Variants in CD9 observed in about 807,000 individuals in gnomAD.
The protein encoded by CD9 is CD9 antigen.
CD9 carries 10 observed loss-of-function variants against 31.4 expected under a neutral mutation model. The observed-to-expected ratio is 0.32, with a 90% CI of 0.20 to 0.54. The LOEUF (loss-of-function observed/expected upper bound fraction) is 0.54. Among genes scored for constraint, CD9 ranks in the 20% least tolerant of loss-of-function variants. CD9 has a pLI of 0.94. For synonymous variants in CD9, 113 were observed against 114.1 expected (o/e 0.99, Z 0.06); for missense variants, 259 against 300.1 (o/e 0.86, Z 1.01).
At chr12:6,233,255 C>G in intron 3 of CD9, 157 bp from the exon 4 acceptor site, 3 of 650,840 alleles carry the variant, frequency 4.6e-6, no homozygotes, top group Non-Finnish European at 5.5e-6. Flanking sequence ...ACTGCCTGTT[C>G]TGTGAACTTC....
intron 1 of CD9, among the ~76,000 whole-genome samples, chr12:6,215,991 C>CA (rs1354037220): frequency 3.9e-5 from 6 of 152,332 alleles, no homozygotes; most frequent in African/African-American, 1.4e-4. Flanking sequence ...CCAAAGACAA[C>CA]AGCCCCAGCC....
rs558909894 is a variant in CD9, at chr12:6,209,684, T to C, written c.66+9119T>C. ...GAGACCCAGACTGCAAATTTCTTTT[T>C]TTTTTTTTTTTTTTTTCTGAGATGG... On this transcript the variant is annotated intron_variant, in intron 1 of 7. Coordinates refer to ENST00000009180, the MANE Select transcript of CD9 (RefSeq NM_001769.4). Among the ~76,000 whole-genome samples the C allele has an allele frequency of 2.1e-3, 114 of 54,876 alleles. No homozygotes were observed. In the South Asian group the frequency reaches 0.059, roughly 28 times the overall value. 36.0% of individuals were successfully genotyped at this position (54,876 alleles called of 152,430 possible).
intron 1 of CD9, among the ~76,000 whole-genome samples, chr12:6,219,556 G>T (rs1249445978): frequency 1.3e-5 from 2 of 151,654 alleles, no homozygotes; most frequent in Non-Finnish European, 2.9e-5. Context: ...CGTGATCTCG[G>T]CTCACTGCAA....
Position 6,238,170 on chromosome 12 carries a change from C to T in CD9, c.*342C>T, listed in dbSNP as rs926586344. On this transcript the variant is annotated 3_prime_UTR_variant, in exon 8 of 8. Transcript: ENST00000009180. Reference sequence around the variant, plus strand: ...ATTGTACATAAAAGAATTTTTTTGTCTTTAAATAGATACAAATGTCTATCA... The same window carrying T: ...ATTGTACATAAAAGAATTTTTTTGTTTTTAAATAGATACAAATGTCTATCA... The T allele has an allele frequency of 5.6e-6, 1 of 177,864 alleles. No homozygotes were observed. The highest frequency in any genetic ancestry group is 2.4e-5 in the African/African-American group (1 of 41,898). The allele number at this position is 177,864 out of a possible 1,614,324, so 11.0% of individuals were successfully genotyped here.
At chr12:6,218,822 A>G (rs2136616374) in intron 1 of CD9, among the ~76,000 whole-genome samples, 1 of 152,024 alleles carries the variant, frequency 6.6e-6, no homozygotes, top group Admixed American at 6.5e-5. Flanking sequence ...GACACCATTC[A>G]TTGTGGGCCT....
intron 3 of CD9, 104 bp from the exon 4 acceptor site, chr12:6,233,308 C>A (rs1946475042): frequency 1.2e-6 from 1 of 812,698 alleles, no homozygotes; most frequent in African/African-American, 1.7e-5. Flanking sequence ...CACCAGATGC[C>A]TGTTCCCAGG....
At position 6,232,720 on chromosome 12, in the gene CD9, G is replaced by A; in HGVS notation, c.264G>A (p.Met88Ile). The change falls in exon 3 of 8, where the codon ATG becomes ATA. Residue 88 changes from methionine to isoleucine, a missense_variant. Physicochemically the swap from Met to Ile is conservative, Grantham distance 10 (BLOSUM62 1). Transcript: ENST00000009180. The surrounding 1 kb of genome is among the most constrained non-coding windows in gnomAD (Gnocchi z 4.8). ...CCGAVQESQC[M>I]LGLFFGFLLV... ...GGGCTGTGCAGGAGTCCCAGTGCAT[G>A]CTGGGACTGGTGAGTATCCCCTCGG... The A allele has an allele frequency of 6.4e-7, 1 of 1,552,016 alleles. No homozygotes were observed. Among genetic ancestry groups the A allele is most frequent in the Non-Finnish European group, 8.7e-7 (1 of 1,150,476 alleles).
chr12:6,235,387 G>A, intron 5 of CD9, 60 bp downstream of exon 5: 1 of 1,614,068 alleles, frequency 6.2e-7, no homozygotes, highest in South Asian at 1.1e-5. Flanking sequence ...CTGCACACAG[G>A]GTGCTGACTG....
chr12:6,208,292 G>A (rs1406942134), intron 1 of CD9, among the ~76,000 whole-genome samples: 1 of 151,214 alleles, frequency 6.6e-6, no homozygotes, highest in Non-Finnish European at 1.5e-5. Context: ...CAAGTTTCCA[G>A]TGACACCTCT....
chr12:6,205,844 T>C (rs1444136611), intron 1 of CD9: 1 of 152,240 alleles, frequency 6.6e-6, no homozygotes, highest in Non-Finnish European at 1.5e-5. Flanking sequence ...CAACCACAGC[T>C]TCTGTGGTCC....
At chr12:6,210,002 A>G (rs998840465) in intron 1 of CD9, among the ~76,000 whole-genome samples, 1 of 152,154 alleles carries the variant, frequency 6.6e-6, no homozygotes, top group Admixed American at 6.5e-5. Flanking sequence ...CTCATTTCAA[A>G]TAGAAATTAG....
At chr12:6,214,779 ACCAGGAGTG>A (rs1565421347) in intron 1 of CD9, among the ~76,000 whole-genome samples, 1 of 152,110 alleles carries the variant, frequency 6.6e-6, no homozygotes, top group Non-Finnish European at 1.5e-5. Flanking sequence ...GGAGGTTCTT[ACCAGGAGTG>A]CCCTGCTGCA....
At chr12:6,235,669 T>A in intron 6 of CD9, 104 bp downstream of exon 6, 4 of 1,461,608 alleles carry the variant, frequency 2.7e-6, no homozygotes, top group Non-Finnish European at 3.6e-6. Context: ...CAAGACCCGT[T>A]CTGCCTGTGA....
At chr12:6,215,931 A>G (rs1178464600) in intron 1 of CD9, among the ~76,000 whole-genome samples, 2 of 152,162 alleles carry the variant, frequency 1.3e-5, no homozygotes, top group Non-Finnish European at 2.9e-5. Context: ...GTGGAGCTGG[A>G]TAAGGGAGCA....
intron 1 of CD9, among the ~76,000 whole-genome samples, chr12:6,208,931 A>T (rs1301118193): frequency 2.6e-5 from 4 of 152,170 alleles, no homozygotes; most frequent in Admixed American, 6.5e-5. Context: ...AAATGAAATG[A>T]TCAGCAAAAT....
chr12:6,231,742 C>T (rs137975821), intron 2 of CD9, among the ~76,000 whole-genome samples: 1 of 152,310 alleles, frequency 6.6e-6, no homozygotes, highest in African/African-American at 2.4e-5. Flanking sequence ...AGATCAAGGG[C>T]TTAGTAATGG....
At chr12:6,230,639 C>G (rs1173671143) in intron 2 of CD9, among the ~76,000 whole-genome samples, 2 of 152,234 alleles carry the variant, frequency 1.3e-5, no homozygotes, top group African/African-American at 4.8e-5. Context: ...TGGGGCCTTT[C>G]TACTGTCCCC....
chr12:6,214,474 G>C (rs1198065530), intron 1 of CD9, among the ~76,000 whole-genome samples: 1 of 142,984 alleles, frequency 7.0e-6, no homozygotes, highest in African/African-American at 2.6e-5. Flanking sequence ...AGCCCCCCAA[G>C]TAGCTGGAAC....
At chr12:6,211,817 A>G (rs1326564562) in intron 1 of CD9, among the ~76,000 whole-genome samples, 2 of 152,230 alleles carry the variant, frequency 1.3e-5, no homozygotes, top group Non-Finnish European at 2.9e-5. Context: ...GCAAGCAGGC[A>G]GTGGAAACTT....
Sources: allele counts gnomAD v4.1 joint callset (sites outside exome capture counted in the v4.1 genomes callset), GRCh38; gene constraint gnomAD v4.1.1; non-coding constraint Gnocchi (gnomAD v3.1); transcripts MANE v1.5; gene names NCBI Gene and HGNC (gene_info 2026-07-23, HGNC 2026-07-21).